Variants in NCKAP5 observed in about 807,000 individuals in gnomAD.
NCKAP5 encodes the protein nck-associated protein 5.
In NCKAP5, 92 loss-of-function variants were observed where a neutral mutation model predicts 167.0. The ratio of observed to expected loss-of-function variants is 0.55; its 90% CI spans 0.47 to 0.66. The LOEUF (loss-of-function observed/expected upper bound fraction) is 0.66, where lower values mean the gene tolerates loss of function less well. Ranked by LOEUF, NCKAP5 falls within the 30% of genes least tolerant of loss-of-function variation. The probability of loss-of-function intolerance (pLI) is 0.00; values close to 1 mark genes in which losing one functional copy is unlikely to be tolerated. For synonymous variants in NCKAP5, 891 were observed against 877.4 expected (o/e 1.02, Z -0.27); for missense variants, 2,378 against 2,315.0 (o/e 1.03, Z -0.56).
At chr2:132,860,737 G>C in intron 10 of NCKAP5, 126 bp from the exon 11 acceptor site, 1 of 1,204,076 alleles carries the variant, frequency 8.3e-7, no homozygotes, top group Non-Finnish European at 1.1e-6. Flanking sequence ...AAAGCCCCCA[G>C]AAGTAAATCA....
At chr2:133,376,579 CCCTACTACCA>C (rs1686160219) in intron 3 of NCKAP5, among the ~76,000 whole-genome samples, 1 of 152,168 alleles carries the variant, frequency 6.6e-6, no homozygotes, top group Non-Finnish European at 1.5e-5. Flanking sequence ...TGGGTCTCAT[CCCTACTACCA>C]CCACTACCCA....
At chr2:133,190,250 A>T (rs1574324386) in intron 5 of NCKAP5, among the ~76,000 whole-genome samples, 1 of 152,286 alleles carries the variant, frequency 6.6e-6, no homozygotes, top group East Asian at 1.9e-4. Flanking sequence ...GAGAACTACA[A>T]ACCACTGTTC....
At chr2:132,944,418 G>A (rs1697537520) in intron 8 of NCKAP5, among the ~76,000 whole-genome samples, 1 of 152,138 alleles carries the variant, frequency 6.6e-6, no homozygotes, top group Non-Finnish European at 1.5e-5. Flanking sequence ...TCTGTGTTAA[G>A]GACCTTAAAA....
intron 3 of NCKAP5, among the ~76,000 whole-genome samples, chr2:133,415,815 C>A (rs1439096350): frequency 6.6e-6 from 1 of 152,200 alleles, no homozygotes; most frequent in Admixed American, 6.5e-5. Flanking sequence ...ACTATTTTCT[C>A]TTTCCATTTT....
intron 16 of NCKAP5, among the ~76,000 whole-genome samples, chr2:132,734,008 T>G (rs1691278553): frequency 6.6e-6 from 1 of 152,214 alleles, no homozygotes; most frequent in South Asian, 2.1e-4. Context: ...TGTTTGGTCA[T>G]GGACTCCAGG....
At chr2:133,053,994 T>A (rs557172568) in intron 6 of NCKAP5, among the ~76,000 whole-genome samples, 1 of 152,328 alleles carries the variant, frequency 6.6e-6, no homozygotes, top group South Asian at 2.1e-4. Flanking sequence ...GGTAAATAGA[T>A]GAATAGATGC....
At chr2:133,482,192 T>C (rs1680509962) in intron 3 of NCKAP5, among the ~76,000 whole-genome samples, 1 of 152,006 alleles carries the variant, frequency 6.6e-6, no homozygotes, top group Non-Finnish European at 1.5e-5. Context: ...TTACATTGTG[T>C]ATATATATAA....
Position 132,782,176 on chromosome 2 carries a change from T to C in NCKAP5, c.4635A>G (p.Arg1545=). 6.2e-7 allele frequency: 1 copy of C among 1,610,828 alleles called. No individual in the cohort carries two copies. The highest frequency in any genetic ancestry group is 8.5e-7 in the Non-Finnish European group (1 of 1,179,250). The part of the protein sequence containing the change: ...KDAKVLGFGN[R]QLKSERKKEK... ...CTTTTTTTCTTTCTGATTTTAGTTG[T>C]CTGTTTCCAAACCCCAAGACTTTTG... is the stretch of plus-strand genomic sequence containing the variant. Residue 1545 remains arginine, a synonymous_variant, in exon 14 of 20, where the codon AGA becomes AGG. Transcript: ENST00000409261.
In NCKAP5 at chr2:133,263,102, A is replaced by T. The variant is rs1405995413; in HGVS notation, c.143+39935T>A. Among the ~76,000 whole-genome samples the T allele has an allele frequency of 2.0e-5, 3 of 152,008 alleles. No homozygotes were observed. The East Asian group carries it at 5.8e-4, about 29-fold the overall frequency. On this transcript the variant is annotated intron_variant, in intron 4 of 19. Transcript: ENST00000409261. The stretch of plus-strand genomic sequence containing the variant: ...CAGAAGAGGGCTCACCCGCCCCACT[A>T]TGCCCAATCTAACTTCCCAAATAGA...
At chr2:133,555,162 G>T (rs939323969) in intron 2 of NCKAP5, among the ~76,000 whole-genome samples, 6 of 152,120 alleles carry the variant, frequency 3.9e-5, no homozygotes, top group Non-Finnish European at 5.9e-5. Flanking sequence ...GTTCCATTGG[G>T]ACTCTATAAT....
the NCKAP5 span, among the ~76,000 whole-genome samples, chr2:133,665,154 A>G: frequency 6.6e-6 from 1 of 152,202 alleles, no homozygotes; most frequent in South Asian, 2.1e-4. Flanking sequence ...TTCATTGTCC[A>G]CTGGAGTAAC....
At position 132,672,833 on chromosome 2, in the gene NCKAP5, A is replaced by G; in HGVS notation, c.*456T>C. ...TTACGCTTAATCCTCTTGAAACACA[A>G]TAAATGGAGTCTATCTTTATTGCCC... On this transcript the variant is annotated 3_prime_UTR_variant, in exon 20 of 20. Coordinates refer to ENST00000409261, the MANE Select transcript of NCKAP5 (RefSeq NM_207363.3). 2 of 390,424 alleles carry G rather than the reference A, an allele frequency of 5.1e-6. No individual in the cohort carries two copies. Among genetic ancestry groups the G allele is most frequent in the Non-Finnish European group, 7.0e-6 (2 of 285,818 alleles). 24.2% of individuals were successfully genotyped at this position (390,424 alleles called of 1,614,324 possible). A position where few individuals can be genotyped will look rare whatever the true frequency, so the allele number is the denominator to read the frequency against.
At chr2:132,684,244 G>T (rs959058916) in intron 19 of NCKAP5, among the ~76,000 whole-genome samples, 28 of 152,220 alleles carry the variant, frequency 1.8e-4, no homozygotes, top group Admixed American at 9.8e-4. Context: ...AACACAATGC[G>T]ATTGCTATGA....
intron 4 of NCKAP5, among the ~76,000 whole-genome samples, chr2:133,231,237 A>G (rs2087133415): frequency 6.6e-6 from 1 of 152,222 alleles, no homozygotes; most frequent in African/African-American, 2.4e-5. Flanking sequence ...ACTGATTACA[A>G]CAGAGTCATC....
At chr2:132,728,786 T>C in intron 18 of NCKAP5, 30 bp downstream of exon 18, 1 of 1,611,748 alleles carries the variant, frequency 6.2e-7, no homozygotes, top group South Asian at 1.1e-5. Flanking sequence ...AACAGGTGGA[T>C]TGCACCCTTC....
At chr2:133,471,570 G>A (rs1428119146) in intron 3 of NCKAP5, among the ~76,000 whole-genome samples, 1 of 152,146 alleles carries the variant, frequency 6.6e-6, no homozygotes, top group Admixed American at 6.5e-5. Context: ...GTCTCAAGCT[G>A]TGGGTTGGTT....
chr2:132,977,224 C>T (rs937650362), intron 7 of NCKAP5, among the ~76,000 whole-genome samples: 2 of 152,194 alleles, frequency 1.3e-5, no homozygotes, highest in East Asian at 1.9e-4. Flanking sequence ...TATGCTGATG[C>T]TTTACCTCTG....
intron 3 of NCKAP5, among the ~76,000 whole-genome samples, chr2:133,452,341 G>A (rs746194250): frequency 2.6e-5 from 4 of 152,156 alleles, no homozygotes; most frequent in Admixed American, 6.5e-5. Flanking sequence ...CAGTTGTGCA[G>A]GCAGTGCATA....
chr2:133,371,658 A>G (rs573004735), intron 3 of NCKAP5, among the ~76,000 whole-genome samples: 1 of 152,348 alleles, frequency 6.6e-6, no homozygotes, highest in East Asian at 1.9e-4. Context: ...TAAAGTTTGT[A>G]CATCCTCTGT....
Sources: allele counts gnomAD v4.1 joint callset (sites outside exome capture counted in the v4.1 genomes callset), GRCh38; gene constraint gnomAD v4.1.1; transcripts MANE v1.5; gene names NCBI Gene and HGNC (gene_info 2026-07-23, HGNC 2026-07-21).